GFRA1: variants seen among roughly 807,000 people sequenced by gnomAD.
GFRA1 encodes GDNF family receptor alpha-1.
Under a neutral mutation model 51.6 loss-of-function variants are expected in GFRA1, and 16 were observed. The observed-to-expected ratio is 0.31, with a 90% CI of 0.21 to 0.47. The LOEUF (loss-of-function observed/expected upper bound fraction) is 0.47, where lower values mean the gene tolerates loss of function less well. GFRA1 is among the 20% of genes least tolerant of loss of function. The pLI is 1.00. For missense variants in GFRA1, 530 were observed against 594.3 expected (o/e 0.89, Z 1.13); for synonymous variants, 270 against 241.3 (o/e 1.12, Z -1.10).
At chr10:116,150,234 T>C (rs1358285934) in intron 5 of GFRA1, among the ~76,000 whole-genome samples, 1 of 152,208 alleles carries the variant, frequency 6.6e-6, no homozygotes, top group Non-Finnish European at 1.5e-5. Flanking sequence ...ATCCCAATAG[T>C]GGTCCTTGGA....
intron 5 of GFRA1, among the ~76,000 whole-genome samples, chr10:116,202,665 G>A (rs1273778853): frequency 6.6e-6 from 1 of 152,110 alleles, no homozygotes; most frequent in Admixed American, 6.5e-5. Flanking sequence ...AGGAGAGAGA[G>A]AGAGCTAAGG....
chr10:116,102,932 A>G (rs965100292), intron 6 of GFRA1, among the ~76,000 whole-genome samples: 2 of 152,296 alleles, frequency 1.3e-5, no homozygotes, highest in Middle Eastern at 3.4e-3. Context: ...CAACGTGGAC[A>G]TTAGAGATTC....
chr10:116,136,810 A>G (rs1247410132), intron 5 of GFRA1, among the ~76,000 whole-genome samples: 1 of 152,194 alleles, frequency 6.6e-6, no homozygotes, highest in Non-Finnish European at 1.5e-5. Context: ...ATGGGACTTT[A>G]AAAGCCAAAT....
At chr10:116,229,879 A>G (rs1966572998) in intron 4 of GFRA1, among the ~76,000 whole-genome samples, 1 of 152,180 alleles carries the variant, frequency 6.6e-6, no homozygotes, top group Non-Finnish European at 1.5e-5. Flanking sequence ...CACTTGGTAC[A>G]GGCAGTCGTG....
At chr10:116,096,556 G>A in intron 7 of GFRA1, 99 bp downstream of exon 7, 3 of 731,910 alleles carry the variant, frequency 4.1e-6, no homozygotes, top group Non-Finnish European at 7.4e-6. Flanking sequence ...AGGTTACTGT[G>A]AGATTTTCAC....
At chr10:116,077,625 GATAAA>G (rs1447484851) in intron 9 of GFRA1, among the ~76,000 whole-genome samples, 2 of 152,202 alleles carry the variant, frequency 1.3e-5, no homozygotes, top group South Asian at 2.1e-4. Context: ...CTTTACTGCT[GATAAA>G]ATAATCTTAA....
intron 9 of GFRA1, among the ~76,000 whole-genome samples, chr10:116,069,777 A>G (rs1955290792): frequency 6.6e-6 from 1 of 152,186 alleles, no homozygotes; most frequent in African/African-American, 2.4e-5. Context: ...CAGAACGCAG[A>G]GATGCACACA....
intron 5 of GFRA1, among the ~76,000 whole-genome samples, chr10:116,208,832 A>G (rs934083936): frequency 6.6e-6 from 1 of 152,208 alleles, no homozygotes; most frequent in African/African-American, 2.4e-5. Flanking sequence ...TTAGTAAATG[A>G]TTGGTATTAA....
At chr10:116,225,718 G>T (rs7913391) in intron 4 of GFRA1, among the ~76,000 whole-genome samples, 151,487 of 151,488 alleles carry the variant, frequency 1, 75,743 homozygotes, top group Non-Finnish European at 1. Flanking sequence ...GCTCCCCAAG[G>T]AGCTGGGATT....
chr10:116,116,989 G>A (rs975146683), intron 6 of GFRA1, among the ~76,000 whole-genome samples: 1 of 152,174 alleles, frequency 6.6e-6, no homozygotes, highest in Non-Finnish European at 1.5e-5. Context: ...GCTGAACGGT[G>A]TAAGAACATT....
At chr10:116,241,616 T>C (rs1183010982) in intron 4 of GFRA1, among the ~76,000 whole-genome samples, 1 of 152,146 alleles carries the variant, frequency 6.6e-6, no homozygotes, top group African/African-American at 2.4e-5. Flanking sequence ...GAAACAGAGG[T>C]TCATCTGGAA....
At chr10:116,104,092 T>G (rs1480760669) in intron 6 of GFRA1, among the ~76,000 whole-genome samples, 1 of 152,196 alleles carries the variant, frequency 6.6e-6, no homozygotes, top group Non-Finnish European at 1.5e-5. Flanking sequence ...CAAAGCTCTG[T>G]GCATCTTGCA....
chr10:116,209,446 G>C (rs1965025487), intron 5 of GFRA1, among the ~76,000 whole-genome samples: 1 of 152,022 alleles, frequency 6.6e-6, no homozygotes, highest in Admixed American at 6.5e-5. Flanking sequence ...TTTATCAAGT[G>C]GTGTTCCCCC....
At chr10:116,118,908 G>A (rs1957536564) in intron 6 of GFRA1, among the ~76,000 whole-genome samples, 1 of 152,130 alleles carries the variant, frequency 6.6e-6, no homozygotes, top group South Asian at 2.1e-4. Context: ...GGGAGAACAG[G>A]GAGTAAAACT....
Position 116,064,088 on chromosome 10 carries a change from C to CATGATAATG in GFRA1, c.*309_*310insCATTATCAT. ...TCATCATGATCATGATGATCATCATCATGATCATCATCATCATCGAAAACA... is the reference window on the plus strand; with the variant it reads ...TCATCATGATCATGATGATCATCATCATGATAATGATGATCATCATCATCATCGAAAACA... On this transcript the variant is annotated 3_prime_UTR_variant, in exon 11 of 11. Transcript: ENST00000355422. 1 of 173,238 alleles carries CATGATAATG rather than the reference C, an allele frequency of 5.8e-6. No individual in the cohort carries two copies. Among genetic ancestry groups the CATGATAATG allele is most frequent in the African/African-American group, 6.6e-5 (1 of 15,074 alleles). 10.7% of individuals were successfully genotyped at this position (173,238 alleles called of 1,614,324 possible).
At chr10:116,158,702 AAGTCCGGG>A (rs1177040290) in intron 5 of GFRA1, among the ~76,000 whole-genome samples, 1 of 152,194 alleles carries the variant, frequency 6.6e-6, no homozygotes, top group African/African-American at 2.4e-5. Flanking sequence ...ACAAACAAGG[AAGTCCGGG>A]AGATTCTCCC....
At chr10:116,083,111 A>G (rs1271021332) in intron 9 of GFRA1, among the ~76,000 whole-genome samples, 2 of 152,164 alleles carry the variant, frequency 1.3e-5, no homozygotes, top group East Asian at 3.9e-4. Flanking sequence ...CAGGATTCTC[A>G]CTCAGGTCCA....
intron 3 of GFRA1, among the ~76,000 whole-genome samples, chr10:116,270,555 C>G (rs1462213456): frequency 2.6e-5 from 4 of 152,218 alleles, no homozygotes; most frequent in Non-Finnish European, 5.9e-5. Flanking sequence ...TCCCATGCTC[C>G]GACCAGGTTT....
intron 4 of GFRA1, among the ~76,000 whole-genome samples, chr10:116,218,458 T>G (rs2134480435): frequency 6.6e-6 from 1 of 152,352 alleles, no homozygotes; most frequent in Non-Finnish European, 1.5e-5. Flanking sequence ...AAATAAAGTT[T>G]GAGCACAACA....
Sources: gnomAD v4.1 joint callset for allele counts (sites outside exome capture counted in the v4.1 genomes callset) on GRCh38, gnomAD v4.1.1 for gene constraint, MANE v1.5 for transcripts, NCBI Gene and HGNC (gene_info 2026-07-23, HGNC 2026-07-21) for gene names.